TRAM2: variants seen among roughly 807,000 people sequenced by gnomAD.
The protein encoded by TRAM2 is translocation associated membrane protein 2.
Under a neutral mutation model 51.0 loss-of-function variants are expected in TRAM2, and 12 were observed. That is an observed-to-expected ratio of 0.24 (90% CI 0.15 to 0.38). The LOEUF (loss-of-function observed/expected upper bound fraction) is 0.38. Ranked by LOEUF, TRAM2 falls within the 10% of genes least tolerant of loss-of-function variation. TRAM2 has a pLI of 1.00. For missense variants in TRAM2, 361 were observed against 462.0 expected (o/e 0.78, Z 2.00); for synonymous variants, 175 against 179.4 (o/e 0.98, Z 0.20).
At chr6:52,522,609 C>G (rs968527292) in intron 2 of TRAM2, among the ~76,000 whole-genome samples, 1 of 152,150 alleles carries the variant, frequency 6.6e-6, no homozygotes, top group African/African-American at 2.4e-5. Flanking sequence ...CTATGGAGTA[C>G]GCCAATATGC....
chr6:52,574,770 T>G (rs898335533), intron 1 of TRAM2, among the ~76,000 whole-genome samples: 1 of 152,190 alleles, frequency 6.6e-6, no homozygotes, highest in Non-Finnish European at 1.5e-5. Flanking sequence ...GCAGGTTTAA[T>G]GCACAGGACT....
rs1766246106 is a variant in TRAM2 at position 52,502,314 on chromosome 6, A to G, written c.*883T>C. 6.6e-6 allele frequency: 1 copy of G among 152,366 alleles called. No homozygotes were observed. The highest frequency in any genetic ancestry group is 1.5e-5 in the Non-Finnish European group (1 of 68,124). The allele number at this position is 152,366 out of a possible 1,614,324, so 9.4% of individuals were successfully genotyped here. ...ATGCTTGTGAATGGCTGAAAAAGCA[A>G]TGGCGACTGGGACTGCTGGAGAAAG... On this transcript the variant is annotated 3_prime_UTR_variant, in exon 11 of 11. Coordinates refer to ENST00000182527, the MANE Select transcript of TRAM2 (RefSeq NM_012288.4).
Position 52,501,310 on chromosome 6 carries a change from T to C in TRAM2, c.*1887A>G, listed in dbSNP as rs1272574618. ...GAGGGATGAAGGCCTCCAATGGCGT[T>C]AGGAAACAAATCCCTCAGTTACTGG... On this transcript the variant is annotated 3_prime_UTR_variant, in exon 11 of 11. Transcript: ENST00000182527. 1 of 152,226 alleles carries C rather than the reference T, an allele frequency of 6.6e-6. No individual in the cohort carries two copies. The highest frequency in any genetic ancestry group is 1.5e-5 in the Non-Finnish European group (1 of 68,038). The allele number at this position is 152,226 out of a possible 1,614,324, so 9.4% of individuals were successfully genotyped here.
intron 1 of TRAM2, among the ~76,000 whole-genome samples, chr6:52,543,445 G>A (rs532544595): frequency 3.2e-4 from 48 of 152,302 alleles, no homozygotes; most frequent in South Asian, 6.2e-4. Flanking sequence ...TTGGATATGA[G>A]TAAAACACAC....
At chr6:52,533,028 A>T (rs1191778458) in intron 2 of TRAM2, among the ~76,000 whole-genome samples, 1 of 146,654 alleles carries the variant, frequency 6.8e-6, no homozygotes, top group Non-Finnish European at 1.5e-5. Flanking sequence ...TTTCACTTAT[A>T]TGAGGTACCT....
At chr6:52,540,623 C>T (rs948480413) in intron 1 of TRAM2, among the ~76,000 whole-genome samples, 1 of 152,216 alleles carries the variant, frequency 6.6e-6, no homozygotes, top group African/African-American at 2.4e-5. Context: ...CTCCATGACC[C>T]TCTCCCGACC....
chr6:52,548,611 C>T (rs951894207), intron 1 of TRAM2, among the ~76,000 whole-genome samples: 3 of 152,236 alleles, frequency 2.0e-5, no homozygotes, highest in South Asian at 2.1e-4. Context: ...TTAAGCAACA[C>T]GCCCCAAGGC....
intron 7 of TRAM2, among the ~76,000 whole-genome samples, chr6:52,507,351 T>A (rs534786232): frequency 1.3e-5 from 2 of 152,352 alleles, no homozygotes; most frequent in Admixed American, 6.5e-5. Context: ...TCCTTACTTA[T>A]GTCTATAACT....
chr6:52,528,694 A>G (rs552738391), intron 2 of TRAM2, among the ~76,000 whole-genome samples: 1 of 152,230 alleles, frequency 6.6e-6, no homozygotes, highest in African/African-American at 2.4e-5. Context: ...GATGGTAGTA[A>G]TAAAGCCAAC....
At chr6:52,504,523 T>A in intron 10 of TRAM2, 68 bp downstream of exon 10, 1 of 1,597,606 alleles carries the variant, frequency 6.3e-7, no homozygotes, top group South Asian at 1.1e-5. Flanking sequence ...CCAGGTGCCT[T>A]GGCTCCTCCC....
Position 52,500,534 on chromosome 6 carries a change from T to C in TRAM2, c.*2663A>G, listed in dbSNP as rs11752918. 6.8e-6 allele frequency: 1 copy of C among 147,802 alleles called. No homozygotes were observed. The highest frequency in any genetic ancestry group is 2.0e-4 in the East Asian group (1 of 5,118). The allele number at this position is 147,802 out of a possible 1,614,324, so 9.2% of individuals were successfully genotyped here. On this transcript the variant is annotated 3_prime_UTR_variant, in exon 11 of 11. Transcript: ENST00000182527. The stretch of plus-strand genomic sequence containing the variant: ...GGTCTCAGGGTTTTTTTTTGTTTTT[T>C]TTTTTTTTTTTACATAAAATAAACC...
rs1276441832 is a variant in TRAM2, at chr6:52,497,654, G to A, written c.*5543C>T. The A allele has an allele frequency of 4.6e-5, 7 of 151,574 alleles. No homozygotes were observed. The Admixed American group carries it at 4.6e-4, about 10-fold the overall frequency. 9.4% of individuals were successfully genotyped at this position (151,574 alleles called of 1,614,324 possible). ...TTCCTTGTTGAAATTTGGTCCATAT[G>A]AACAGGCTAGAGTAGAAAACAGACA... On this transcript the variant is annotated 3_prime_UTR_variant, in exon 11 of 11. Coordinates refer to ENST00000182527, the MANE Select transcript of TRAM2 (RefSeq NM_012288.4).
intron 9 of TRAM2, 104 bp from the exon 10 acceptor site, chr6:52,504,858 G>A: frequency 9.6e-7 from 1 of 1,044,082 alleles, no homozygotes; most frequent in Non-Finnish European, 1.4e-6. Flanking sequence ...AGTTCCCATG[G>A]CTTATCACGT....
At chr6:52,571,258 A>T (rs1767675711) in intron 1 of TRAM2, among the ~76,000 whole-genome samples, 1 of 152,202 alleles carries the variant, frequency 6.6e-6, no homozygotes, top group South Asian at 2.1e-4. Flanking sequence ...TGGCTTTGCC[A>T]TTTATAAGGG....
At chr6:52,536,632 A>T (rs1471285697) in intron 1 of TRAM2, among the ~76,000 whole-genome samples, 1 of 152,150 alleles carries the variant, frequency 6.6e-6, no homozygotes, top group Non-Finnish European at 1.5e-5. Context: ...TTATACGCTG[A>T]GCCTCAGTCT....
intron 1 of TRAM2, among the ~76,000 whole-genome samples, chr6:52,564,389 T>G (rs1767555716): frequency 6.6e-6 from 1 of 152,008 alleles, no homozygotes; most frequent in South Asian, 2.1e-4. Flanking sequence ...CAGTCCGGTG[T>G]CACCTTTCAC....
At chr6:52,568,631 A>C (rs549530407) in intron 1 of TRAM2, among the ~76,000 whole-genome samples, 1 of 152,310 alleles carries the variant, frequency 6.6e-6, no homozygotes, top group African/African-American at 2.4e-5. Flanking sequence ...AGGAGCTGAT[A>C]AATAATTATG....
At chr6:52,516,515 C>T (rs1766552074) in intron 3 of TRAM2, 113 bp downstream of exon 3, 1 of 879,940 alleles carries the variant, frequency 1.1e-6, no homozygotes, top group African/African-American at 1.6e-5. Context: ...CCAACCAGTG[C>T]AAGCAAGTTG....
chr6:52,574,186 C>T (rs1767726048), intron 1 of TRAM2, among the ~76,000 whole-genome samples: 2 of 152,100 alleles, frequency 1.3e-5, no homozygotes, highest in South Asian at 2.1e-4. Context: ...CCAGAAGATC[C>T]TAAGTGATAT....
Sources: gnomAD v4.1 joint callset for allele counts (sites outside exome capture counted in the v4.1 genomes callset) on GRCh38, gnomAD v4.1.1 for gene constraint, MANE v1.5 for transcripts, NCBI Gene and HGNC (gene_info 2026-07-23, HGNC 2026-07-21) for gene names.